Variants in MYMX observed in about 807,000 individuals in gnomAD.
MYMX encodes protein myomixer.
the MYMX span, among the ~76,000 whole-genome samples, chr6:44,198,483 A>G: frequency 6.6e-6 from 1 of 150,802 alleles, no homozygotes; most frequent in Non-Finnish European, 1.5e-5. Context: ...ATTCCTAAAG[A>G]TCTGTGCCTA....
At chr6:44,216,058 C>T (rs1011612131), upstream of MYMX, among the ~76,000 whole-genome samples, 1 of 152,182 alleles carries the variant, frequency 6.6e-6, no homozygotes, top group African/African-American at 2.4e-5. Context: ...GGGAATGCCA[C>T]CCAGCTGTGT....
the MYMX span, among the ~76,000 whole-genome samples, chr6:44,199,391 T>TAGAGACAG: frequency 3.3e-5 from 5 of 151,846 alleles, no homozygotes; most frequent in Non-Finnish European, 7.4e-5. Context: ...GTAGAGACAG[T>TAGAGACAG]TTCATCATGT....
At chr6:44,211,273 A>G in the MYMX span, among the ~76,000 whole-genome samples, 5 of 152,252 alleles carry the variant, frequency 3.3e-5, no homozygotes, top group African/African-American at 1.2e-4. Context: ...TTTAATTAAT[A>G]TGTGTAGTTA....
chr6:44,198,154 CTTTTTTTTTTT>C, the MYMX span, among the ~76,000 whole-genome samples: 2 of 79,770 alleles, frequency 2.5e-5, no homozygotes, highest in African/African-American at 1.1e-4. Flanking sequence ...CCAAATTCCT[CTTTTTTTTTTT>C]TTTTTTTTTT....
upstream of MYMX, among the ~76,000 whole-genome samples, chr6:44,214,864 T>C (rs1354282637): frequency 6.6e-6 from 1 of 152,122 alleles, no homozygotes; most frequent in African/African-American, 2.4e-5. Context: ...TGAGCCACCA[T>C]GTCTGGCTAG....
the MYMX span, among the ~76,000 whole-genome samples, chr6:44,197,336 C>A: frequency 6.6e-6 from 1 of 152,130 alleles, no homozygotes; most frequent in African/African-American, 2.4e-5. Context: ...AGTTCGAGAC[C>A]AGCCTGACCA....
chr6:44,210,485 A>G, the MYMX span, among the ~76,000 whole-genome samples: 12 of 151,888 alleles, frequency 7.9e-5, no homozygotes, highest in African/African-American at 1.7e-4. Context: ...GGGTCTCCCT[A>G]TGTTGCCCAG....
chr6:44,217,562 C>T lies in MYMX; in HGVS notation c.91C>T (p.Pro31Ser), dbSNP rs115005927. The T allele has an allele frequency of 3.1e-3, 1,234 of 404,186 alleles. 8 individuals carry two copies. The highest frequency in any genetic ancestry group is 0.022 in the African/African-American group (1,091 of 48,866). The allele number at this position is 404,186 out of a possible 1,614,324, so 25.0% of individuals were successfully genotyped here. Reference protein sequence around the residue: ...AARLARQYLLPLLRRLARRLG... With the variant: ...AARLARQYLLSLLRRLARRLG... ...CCGCCTGGCCCGCCAATACCTCCTGCCCCTGCTGCGCCGATTGGCCCGCCG... is the reference window on the plus strand; with the variant it reads ...CCGCCTGGCCCGCCAATACCTCCTGTCCCTGCTGCGCCGATTGGCCCGCCG... The change falls in exon 2 of 2, where the codon CCC becomes TCC. Residue 31 changes from proline (P) to serine (S), a missense_variant. Transcript: ENST00000573382.
chr6:44,212,765 C>T (rs1469082690), upstream of MYMX, among the ~76,000 whole-genome samples: 6 of 150,386 alleles, frequency 4.0e-5, no homozygotes, highest in African/African-American at 7.3e-5. Flanking sequence ...GTCTCATGCC[C>T]GTAATCTCAT....
the MYMX span, among the ~76,000 whole-genome samples, chr6:44,193,337 G>A: frequency 6.6e-6 from 1 of 151,838 alleles, no homozygotes; most frequent in Non-Finnish European, 1.5e-5. Context: ...CCAAAGTGCT[G>A]GGATTACAGG....
At chr6:44,204,084 G>A in the MYMX span, among the ~76,000 whole-genome samples, 1 of 152,140 alleles carries the variant, frequency 6.6e-6, no homozygotes. Context: ...CCTGACCTCA[G>A]GTGATCCACC....
the MYMX span, among the ~76,000 whole-genome samples, chr6:44,211,900 C>A: frequency 6.6e-6 from 1 of 151,516 alleles, no homozygotes; most frequent in Non-Finnish European, 1.5e-5. Context: ...CCACCTCCTC[C>A]CCCCAAAGTA....
chr6:44,196,418 C>T, the MYMX span, among the ~76,000 whole-genome samples: 2 of 152,212 alleles, frequency 1.3e-5, no homozygotes, highest in Non-Finnish European at 2.9e-5. Context: ...GTGGCTCACA[C>T]CTGTAATGCC....
upstream of MYMX, among the ~76,000 whole-genome samples, chr6:44,216,194 G>C (rs1775853592): frequency 1.3e-5 from 2 of 152,234 alleles, no homozygotes. Context: ...GTGCTCAGGT[G>C]TGTGTGCAGT....
chr6:44,201,446 T>C, the MYMX span, among the ~76,000 whole-genome samples: 1 of 152,144 alleles, frequency 6.6e-6, no homozygotes, highest in East Asian at 1.9e-4. Context: ...GAACTCCTTG[T>C]TTAGGGGTCA....
At chr6:44,212,707 C>T (rs1208749847), upstream of MYMX, among the ~76,000 whole-genome samples, 2 of 151,722 alleles carry the variant, frequency 1.3e-5, no homozygotes, top group Non-Finnish European at 2.9e-5. Context: ...ACAAATTAGC[C>T]TTAATATAAA....
the MYMX span, among the ~76,000 whole-genome samples, chr6:44,200,227 C>G: frequency 2.0e-5 from 3 of 152,042 alleles, no homozygotes; most frequent in East Asian, 3.9e-4. Flanking sequence ...CTCATTCACT[C>G]AAATATTCAA....
At chr6:44,215,515 G>A (rs1263679448), upstream of MYMX, among the ~76,000 whole-genome samples, 2 of 152,204 alleles carry the variant, frequency 1.3e-5, no homozygotes, top group East Asian at 1.9e-4. Context: ...TGAGGCTGCA[G>A]TGAGACATGA....
rs1775971055 is a variant in MYMX, at chr6:44,217,937, T to TA, written c.*211_*212insA. The TA allele has an allele frequency of 7.7e-6, 3 of 387,338 alleles. No homozygotes were observed. The South Asian group carries it at 4.3e-4, about 56-fold the overall frequency. 24.0% of individuals were successfully genotyped at this position (387,338 alleles called of 1,614,324 possible). A position where few individuals can be genotyped will look rare whatever the true frequency, so the allele number is the denominator to read the frequency against. On this transcript the variant is annotated 3_prime_UTR_variant, in exon 2 of 2. Transcript: ENST00000573382. Reference sequence around the variant, plus strand: ...TTGCATCTAGCACAAAACTGATTATTGCCCCTCTGTCCTCCAGCAGTTCCT... The same window carrying TA: ...TTGCATCTAGCACAAAACTGATTATTAGCCCCTCTGTCCTCCAGCAGTTCCT...
Sources: allele counts gnomAD v4.1 joint callset (sites outside exome capture counted in the v4.1 genomes callset), GRCh38; gene constraint gnomAD v4.1.1; transcripts MANE v1.5; gene names NCBI Gene and HGNC (gene_info 2026-07-23, HGNC 2026-07-21).